MRC1: variants seen among roughly 807,000 people sequenced by gnomAD.
MRC1 encodes mannose receptor C-type 1, also known as macrophage mannose receptor 1.
Under a neutral mutation model 102.9 loss-of-function variants are expected in MRC1, and 62 were observed. That is an observed-to-expected ratio of 0.60 (90% CI 0.49 to 0.74). The LOEUF (loss-of-function observed/expected upper bound fraction) is 0.74, where lower values mean the gene tolerates loss of function less well. Ranked by LOEUF, MRC1 falls within the 30% of genes least tolerant of loss-of-function variation. The pLI, the probability that MRC1 is intolerant of heterozygous loss-of-function variation, is 0.00. For missense variants in MRC1, 1,237 were observed against 862.8 expected (o/e 1.43, Z -5.43); for synonymous variants, 457 against 298.4 (o/e 1.53, Z -5.48).
At chr10:17,877,535 GA>G (rs1464528465) in intron 17 of MRC1, among the ~76,000 whole-genome samples, 20 of 151,284 alleles carry the variant, frequency 1.3e-4, no homozygotes, top group African/African-American at 4.8e-4. Flanking sequence ...ATATAAAAAA[GA>G]AAAATTTATA....
chr10:17,815,154 G>A (rs1008465865), intron 1 of MRC1, among the ~76,000 whole-genome samples: 14 of 152,126 alleles, frequency 9.2e-5, no homozygotes, highest in Admixed American at 2.0e-4. Context: ...TCATTCTCAC[G>A]ACAATGAGGA....
At chr10:17,876,061 G>A (rs1014584956) in intron 17 of MRC1, among the ~76,000 whole-genome samples, 1 of 152,038 alleles carries the variant, frequency 6.6e-6, no homozygotes, top group African/African-American at 2.4e-5. Context: ...TTTAAGGATG[G>A]AACAGTGACA....
chr10:17,900,634 C>A (rs1481291856), intron 24 of MRC1, among the ~76,000 whole-genome samples, 154 bp from the exon 25 acceptor site: 3 of 152,152 alleles, frequency 2.0e-5, no homozygotes, highest in Admixed American at 1.3e-4. Flanking sequence ...TTTGAGTTGA[C>A]AGAAATGATT....
chr10:17,823,536 T>C lies in MRC1; in HGVS notation c.463+61T>C. On this transcript the variant is annotated intron_variant, in intron 2 of 29. Coordinates refer to ENST00000569591, the MANE Select transcript of MRC1 (RefSeq NM_002438.4). The stretch of plus-strand genomic sequence containing the variant: ...TTTTCTCGTCTTCTTAGTTGGAACC[T>C]GATTCAAGAAAATCATCATGTTCTT... 5.1e-6 allele frequency: 4 copies of C among 776,926 alleles called. No homozygotes were observed. In the South Asian group the frequency reaches 5.4e-5, roughly 11 times the overall value. 48.1% of individuals were successfully genotyped at this position (776,926 alleles called of 1,614,324 possible). A position where few individuals can be genotyped will look rare whatever the true frequency, so the allele number is the denominator to read the frequency against.
At chr10:17,830,145 T>A (rs1285234904) in intron 3 of MRC1, among the ~76,000 whole-genome samples, 1 of 151,324 alleles carries the variant, frequency 6.6e-6, no homozygotes, top group Non-Finnish European at 1.5e-5. Flanking sequence ...TATTTATTTA[T>A]TTTTGAGACA....
chr10:17,871,050 C>A, intron 14 of MRC1, 115 bp downstream of exon 14: 2 of 744,364 alleles, frequency 2.7e-6, no homozygotes, highest in Non-Finnish European at 4.8e-6. Flanking sequence ...TAGCCACTAT[C>A]CTGCCATGCA....
chr10:17,815,106 A>G (rs891393790), intron 1 of MRC1, among the ~76,000 whole-genome samples: 1 of 152,314 alleles, frequency 6.6e-6, no homozygotes, highest in Non-Finnish European at 1.5e-5. Flanking sequence ...TTCCTGTGTC[A>G]GGAACTCTTC....
intron 12 of MRC1, among the ~76,000 whole-genome samples, chr10:17,868,954 C>G (rs1833317284): frequency 6.6e-6 from 1 of 152,146 alleles, no homozygotes; most frequent in African/African-American, 2.4e-5. Flanking sequence ...TTTTGAGTTA[C>G]TACACAAAGG....
Position 17,870,884 on chromosome 10 carries a change from A to G in MRC1, c.2148A>G (p.Gly716=). 1.1e-6 allele frequency: 1 copy of G among 872,432 alleles called. No homozygotes were observed. Among genetic ancestry groups the G allele is most frequent in the South Asian group, 1.3e-5 (1 of 76,534 alleles). 54.0% of individuals were successfully genotyped at this position (872,432 alleles called of 1,614,324 possible). A position where few individuals can be genotyped will look rare whatever the true frequency, so the allele number is the denominator to read the frequency against. Residue 716 remains glycine (G), a synonymous_variant, in exon 14 of 30, where the codon GGA becomes GGG. Transcript: ENST00000569591. The stretch of plus-strand genomic sequence containing the variant: ...GCTACCACAAACTGTTTTGGTTGGG[A>G]TTGACATATGGAAGCCCTTCAGAAG... The part of the protein sequence containing the change: ...SGSYHKLFWL[G]LTYGSPSEGF...
intron 1 of MRC1, among the ~76,000 whole-genome samples, chr10:17,820,325 G>C (rs983774915): frequency 6.6e-5 from 10 of 152,066 alleles, no homozygotes; most frequent in Non-Finnish European, 1.5e-4. Flanking sequence ...TAGGTTTTTA[G>C]CTTATAGATC....
chr10:17,894,363 C>T, intron 23 of MRC1, 51 bp downstream of exon 23: 1 of 832,612 alleles, frequency 1.2e-6, no homozygotes, highest in Non-Finnish European at 2.1e-6. Context: ...TTTTTTTTTC[C>T]CCACTTTTTT....
At chr10:17,853,878 G>T (rs987806369) in intron 8 of MRC1, among the ~76,000 whole-genome samples, 16 of 152,222 alleles carry the variant, frequency 1.1e-4, no homozygotes, top group African/African-American at 3.9e-4. Flanking sequence ...GTTTTGCTGT[G>T]TGACTGACTC....
At chr10:17,908,053 G>C (rs1833919563) in intron 28 of MRC1, among the ~76,000 whole-genome samples, 2 of 152,204 alleles carry the variant, frequency 1.3e-5, no homozygotes, top group African/African-American at 2.4e-5. Flanking sequence ...AGGAGACCAG[G>C]GTTCTGGAGA....
chr10:17,894,965 G>T (rs1029774773), intron 23 of MRC1, among the ~76,000 whole-genome samples: 5 of 152,146 alleles, frequency 3.3e-5, no homozygotes, highest in African/African-American at 9.6e-5. Context: ...TTGAGCCCCC[G>T]CATTTGAGAC....
chr10:17,873,977 C>A (rs1833391029), intron 16 of MRC1, 152 bp downstream of exon 16: 1 of 675,202 alleles, frequency 1.5e-6, no homozygotes, highest in South Asian at 1.7e-5. Context: ...TTGGGTCTTC[C>A]TCTCCAGAGA....
intron 1 of MRC1, among the ~76,000 whole-genome samples, chr10:17,814,407 G>A (rs1554837672): frequency 6.6e-6 from 1 of 152,184 alleles, no homozygotes; most frequent in African/African-American, 2.4e-5. Flanking sequence ...TATCAAGTGT[G>A]TATTAGATGC....
chr10:17,866,449 GATC>G (rs1833268764), intron 11 of MRC1, 110 bp from the exon 12 acceptor site: 1 of 775,940 alleles, frequency 1.3e-6, no homozygotes, highest in African/African-American at 1.7e-5. Context: ...CTGCATCTGA[GATC>G]ATAATTGGGC....
chr10:17,833,582 G>A (rs1554839206), intron 3 of MRC1, 93 bp from the exon 4 acceptor site: 1 of 752,346 alleles, frequency 1.3e-6, no homozygotes, highest in African/African-American at 1.7e-5. Context: ...AAGTGCTTCA[G>A]GCAAAAATGC....
rs1019816286 is a variant in MRC1 at position 17,875,107 on chromosome 10, G to T, written c.2404G>T (p.Asp802Tyr). The change falls in exon 17 of 30, where the codon GAT becomes TAT. Residue 802 changes from aspartate to tyrosine, a missense_variant. Asp to Tyr is a radical substitution (Grantham distance 160). Transcript: ENST00000569591. ...APQDNPPVTE[D>Y]GWVIYKDYQY... ...CTTTTCAGATCCACCAGTTACTGAA[G>T]ATGGGTGGGTTATTTACAAAGACTA... 1 of 780,822 alleles carries T rather than the reference G, an allele frequency of 1.3e-6. No individual in the cohort carries two copies. The highest frequency in any genetic ancestry group is 1.7e-5 in the African/African-American group (1 of 59,248). 48.4% of individuals were successfully genotyped at this position (780,822 alleles called of 1,614,324 possible). A position where few individuals can be genotyped will look rare whatever the true frequency, so the allele number is the denominator to read the frequency against.
Sources: allele counts gnomAD v4.1 joint callset (sites outside exome capture counted in the v4.1 genomes callset), GRCh38; gene constraint gnomAD v4.1.1; transcripts MANE v1.5; gene names NCBI Gene and HGNC (gene_info 2026-07-23, HGNC 2026-07-21).